PRKAR2A: variants seen among roughly 807,000 people sequenced by gnomAD.
PRKAR2A encodes protein kinase cAMP-dependent type II regulatory subunit alpha.
In PRKAR2A, 29 loss-of-function variants were observed where a neutral mutation model predicts 51.9. That is an observed-to-expected ratio of 0.56 (90% confidence interval 0.42 to 0.76). The LOEUF is 0.76. Among genes scored for constraint, PRKAR2A ranks in the 30% least tolerant of loss-of-function variants. The pLI, the probability that PRKAR2A is intolerant of heterozygous loss-of-function variation, is 0.00. For synonymous variants in PRKAR2A, 178 were observed against 186.2 expected, an observed-to-expected ratio of 0.96 and a Z score of 0.36; for missense variants, 445 against 512.1, an observed-to-expected ratio of 0.87 and a Z score of 1.26.
chr3:48,800,494 A>G (rs939948846), intron 2 of PRKAR2A, among the ~76,000 whole-genome samples: 4 of 151,040 alleles, frequency 2.6e-5, no homozygotes, highest in Non-Finnish European at 4.4e-5. Flanking sequence ...CCTGAGTAAC[A>G]GAGCGAGACT....
chr3:48,814,722 A>C (rs1248481061), intron 1 of PRKAR2A, among the ~76,000 whole-genome samples: 9 of 152,172 alleles, frequency 5.9e-5, no homozygotes, highest in Admixed American at 5.9e-4. Context: ...AGGAGTTCAG[A>C]GTTTATTCAG....
At chr3:48,836,419 T>TAAAAAAAAAAAAAAAAAAA (rs548970318) in intron 1 of PRKAR2A, among the ~76,000 whole-genome samples, 45 of 56,084 alleles carry the variant, frequency 8.0e-4, no homozygotes, top group Middle Eastern at 9.8e-3. Context: ...AGACTCCGTC[T>TAAAAAAAAAAAAAAAAAAA]AAAAAAAAAA....
chr3:48,782,996 C>T lies in PRKAR2A; in HGVS notation c.532G>A (p.Val178Ile), dbSNP rs577790327. The change falls in exon 5 of 11, where the codon GTC (valine) becomes ATC (isoleucine). Residue 178 changes from valine (V) to isoleucine (I), a missense_variant. Physicochemically the swap from Val to Ile is conservative, Grantham distance 29. Coordinates refer to ENST00000265563, the MANE Select transcript of PRKAR2A (RefSeq NM_004157.4). ...AGCTCCATCTCCTACCGTTCTATGA[C>T]ATAAAAGTTGTCTCCATCATCTCCT... ...DQGDDGDNFY[V>I]IERGTYDILV... The T allele has an allele frequency of 2.5e-6, 4 of 1,607,526 alleles. No homozygotes were observed. The East Asian group carries it at 6.7e-5, about 27-fold the overall frequency.
chr3:48,760,433 T>C (rs1048233939), intron 8 of PRKAR2A, among the ~76,000 whole-genome samples: 1 of 152,080 alleles, frequency 6.6e-6, no homozygotes, highest in East Asian at 1.9e-4. Flanking sequence ...TCTTAGCTAC[T>C]TGGGAGGTGA....
In PRKAR2A at chr3:48,772,456, C is replaced by T. The variant is rs58435018; in HGVS notation, c.696+499G>A. Among the ~76,000 whole-genome samples, 1,212 of 152,266 alleles carry T rather than the reference C, an allele frequency of 8.0e-3. 10 individuals are homozygous for T. The highest frequency in any genetic ancestry group is 0.028 in the African/African-American group (1,170 of 41,548). ...TCCTGACCTCAAGTGATCTTCCCGC[C>T]TTGGCCTCCCCAAGTGCTGGGATTA... On this transcript the variant is annotated intron_variant, in intron 6 of 10. Transcript: ENST00000265563.
chr3:48,847,742 G>C lies in PRKAR2A; in HGVS notation c.-146C>G, dbSNP rs1488434250. Reference sequence around the variant, plus strand: ...GTCGCGCCGCTCTTTGGCCGGCTCTGCGTTTCCGGGCCGCGCAACCCTACG... The same window carrying C: ...GTCGCGCCGCTCTTTGGCCGGCTCTCCGTTTCCGGGCCGCGCAACCCTACG... On this transcript the variant is annotated 5_prime_UTR_variant, in exon 1 of 11. Transcript: ENST00000265563. The surrounding 1 kb of genome is among the most constrained non-coding windows in gnomAD (Gnocchi z 4.4). The C allele has an allele frequency of 2.6e-5, 22 of 844,558 alleles. No individual in the cohort carries two copies. The East Asian group carries it at 7.4e-4, about 28-fold the overall frequency. The allele number at this position is 844,558 out of a possible 1,614,324, so 52.3% of individuals were successfully genotyped here. A position where few individuals can be genotyped will look rare whatever the true frequency, so the allele number is the denominator to read the frequency against.
rs535581467 is a variant in PRKAR2A at position 48,833,564 on chromosome 3, C to A, written c.262+13771G>T. Among the ~76,000 whole-genome samples the A allele has an allele frequency of 1.3e-4, 19 of 149,890 alleles. 1 individual carries two copies. The highest frequency in any genetic ancestry group is 3.9e-4 in the African/African-American group (16 of 40,736). On this transcript the variant is annotated intron_variant, in intron 1 of 10. Coordinates refer to ENST00000265563, the MANE Select transcript of PRKAR2A (RefSeq NM_004157.4). Reference sequence around the variant, plus strand: ...CTCTACTAAAAACACAAAAATTAGCCGGATGTGGTGTCAGGCACCTGTGTA... The same window carrying A: ...CTCTACTAAAAACACAAAAATTAGCAGGATGTGGTGTCAGGCACCTGTGTA...
chr3:48,832,223 G>A (rs1368890690), intron 1 of PRKAR2A, among the ~76,000 whole-genome samples: 1 of 151,382 alleles, frequency 6.6e-6, no homozygotes, highest in East Asian at 2.0e-4. Flanking sequence ...GAACCCGGGA[G>A]GTGGAGGTTG....
chr3:48,754,322 C>G (rs897367038), intron 9 of PRKAR2A, among the ~76,000 whole-genome samples: 10 of 151,304 alleles, frequency 6.6e-5, no homozygotes, highest in Non-Finnish European at 1.5e-4. Context: ...ACTGCAACCT[C>G]CGCCTCCCGG....
At chr3:48,835,348 A>G (rs970911451) in intron 1 of PRKAR2A, among the ~76,000 whole-genome samples, 2 of 150,976 alleles carry the variant, frequency 1.3e-5, no homozygotes, top group African/African-American at 2.4e-5. Flanking sequence ...CTGAAAAAAA[A>G]TGGCAGGGTG....
At chr3:48,826,830 C>CA (rs1039318638) in intron 1 of PRKAR2A, among the ~76,000 whole-genome samples, 6 of 150,376 alleles carry the variant, frequency 4.0e-5, no homozygotes, top group African/African-American at 7.3e-5. Context: ...TATTATACAC[C>CA]AAAAAACAAA....
intron 1 of PRKAR2A, among the ~76,000 whole-genome samples, chr3:48,834,841 CAAAT>C (rs573039523): frequency 1.7e-3 from 254 of 150,722 alleles, no homozygotes; most frequent in Middle Eastern, 6.8e-3. Flanking sequence ...AACAAAAAGA[CAAAT>C]AAACTAATAA....
intron 1 of PRKAR2A, among the ~76,000 whole-genome samples, chr3:48,832,817 T>C (rs1327964513): frequency 6.6e-6 from 1 of 152,204 alleles, no homozygotes; most frequent in Non-Finnish European, 1.5e-5. Flanking sequence ...GTAGGAACCC[T>C]TGATTGATTT....
chr3:48,823,327 G>T (rs1030943254), intron 1 of PRKAR2A, among the ~76,000 whole-genome samples: 5 of 152,068 alleles, frequency 3.3e-5, no homozygotes, highest in Admixed American at 2.0e-4. Context: ...TGTCGGGGGG[G>T]TGCTGTCTTA....
chr3:48,772,525 C>G (rs1042022341), intron 6 of PRKAR2A, among the ~76,000 whole-genome samples: 1 of 152,078 alleles, frequency 6.6e-6, no homozygotes, highest in Non-Finnish European at 1.5e-5. Context: ...TTATTATTCC[C>G]CTATACAAAT....
At chr3:48,752,916 CTTTTTTTTTTTTTTT>C (rs59163654) in intron 9 of PRKAR2A, among the ~76,000 whole-genome samples, 42 of 47,550 alleles carry the variant, frequency 8.8e-4, no homozygotes, top group African/African-American at 2.6e-3. Context: ...TTCCCTCCTC[CTTTTTTTTTTTTTTT>C]TTTTTTTTTT....
intron 6 of PRKAR2A, among the ~76,000 whole-genome samples, chr3:48,768,330 T>TAGACAGACAGAC (rs1553666204): frequency 2.0e-5 from 3 of 150,622 alleles, no homozygotes; most frequent in African/African-American, 7.3e-5. Flanking sequence ...GATAGATAGA[T>TAGACAGACAGAC]AGATAGATAG....
At chr3:48,834,034 T>TAA (rs569678133) in intron 1 of PRKAR2A, among the ~76,000 whole-genome samples, 11 of 104,460 alleles carry the variant, frequency 1.1e-4, no homozygotes, top group Non-Finnish European at 1.6e-4. Context: ...GACTCCGTCT[T>TAA]AAAAAAAAAA....
At chr3:48,751,797 A>C in intron 10 of PRKAR2A, 79 bp from the exon 11 acceptor site, 12 of 1,510,782 alleles carry the variant, frequency 7.9e-6, no homozygotes, top group Middle Eastern at 1.8e-4. Context: ...AAACATACCC[A>C]TTCATGTTGT....
Sources: allele counts gnomAD v4.1 joint callset (sites outside exome capture counted in the v4.1 genomes callset), GRCh38; gene constraint gnomAD v4.1.1; non-coding constraint Gnocchi (gnomAD v3.1); transcripts MANE v1.5; gene names NCBI Gene and HGNC (gene_info 2026-07-23, HGNC 2026-07-21).